The following MGAT4C variants were observed in gnomAD, a reference collection of about 807,000 sequenced individuals.
MGAT4C encodes alpha-1,3-mannosyl-glycoprotein 4-beta-N-acetylglucosaminyltransferase C.
In MGAT4C, 19 loss-of-function variants were observed where a neutral mutation model predicts 40.1. The observed-to-expected ratio is 0.47, with a 90% confidence interval of 0.33 to 0.70. The LOEUF (loss-of-function observed/expected upper bound fraction) is 0.70. Ranked by LOEUF, MGAT4C falls within the 30% of genes least tolerant of loss-of-function variation. The probability of loss-of-function intolerance (pLI) is 0.02; values close to 1 mark genes in which losing one functional copy is unlikely to be tolerated. For synonymous variants in MGAT4C, 181 were observed against 187.1 expected (o/e 0.97, Z 0.27); for missense variants, 491 against 563.2 (o/e 0.87, Z 1.30).
intron 2 of MGAT4C, among the ~76,000 whole-genome samples, chr12:86,555,415 T>A (rs909258858): frequency 6.6e-6 from 1 of 152,192 alleles, no homozygotes; most frequent in Non-Finnish European, 1.5e-5. Context: ...AGGGCTTTCA[T>A]GTCTGACATA....
rs1276808870 is a variant in MGAT4C at position 86,361,811 on chromosome 12, G to A, written c.-119-27684C>T. Among the ~76,000 whole-genome samples the A allele has an allele frequency of 2.6e-5, 4 of 152,304 alleles. No homozygotes were observed. In the South Asian group the frequency reaches 8.3e-4, roughly 32 times the overall value. ...ATACCATCTCACACCAGTTAGAATG[G>A]CGATCATTAAAAAGTCAGGAAACAA... On this transcript the variant is annotated intron_variant, in intron 3 of 7. Coordinates refer to the MGAT4C transcript ENST00000548651.
intron 1 of MGAT4C, among the ~76,000 whole-genome samples, chr12:86,231,489 T>C (rs1282878077): frequency 1.3e-5 from 2 of 152,116 alleles, no homozygotes; most frequent in Non-Finnish European, 2.9e-5. Context: ...GTTTAATTAA[T>C]CAAATAATCT....
chr12:86,589,923 T>C (rs1051647095), intron 2 of MGAT4C, among the ~76,000 whole-genome samples: 7 of 151,946 alleles, frequency 4.6e-5, no homozygotes, highest in Admixed American at 3.9e-4. Flanking sequence ...ATTCAAAATA[T>C]GCTTCTGCGT....
At chr12:86,591,976 AT>A (rs942482881) in intron 2 of MGAT4C, among the ~76,000 whole-genome samples, 1 of 152,066 alleles carries the variant, frequency 6.6e-6, no homozygotes. Context: ...TCTGGAAAAA[AT>A]TATGAAGTCT....
chr12:86,785,155 A>C (rs949278008), intron 1 of MGAT4C, among the ~76,000 whole-genome samples: 2 of 152,094 alleles, frequency 1.3e-5, no homozygotes, highest in Non-Finnish European at 1.5e-5. Context: ...TATTTCATGC[A>C]CTATTTATCA....
At chr12:86,398,197 G>A (rs2136233995) in intron 3 of MGAT4C, among the ~76,000 whole-genome samples, 1 of 152,282 alleles carries the variant, frequency 6.6e-6, no homozygotes, top group Non-Finnish European at 1.5e-5. Context: ...CACCAAGCCA[G>A]AATGAATGTT....
chr12:86,733,534 G>A (rs1950943198), intron 1 of MGAT4C, among the ~76,000 whole-genome samples: 1 of 152,104 alleles, frequency 6.6e-6, no homozygotes, highest in African/African-American at 2.4e-5. Context: ...AAAGAGTAGT[G>A]TAAAATGTAT....
rs1688890721 is a variant in MGAT4C, at chr12:85,962,427, TA to T, written c.*16861del. On this transcript the variant is annotated 3_prime_UTR_variant, in exon 5 of 5. Coordinates refer to ENST00000611864, the MANE Select transcript of MGAT4C (RefSeq NM_001351288.2). ...TTAATTATATAATTATATAATTATA[TA>T]AAATTTTATAATTAATTATAAAATA... The T allele has an allele frequency of 6.8e-6, 1 of 147,842 alleles. No individual in the cohort carries two copies. The highest frequency in any genetic ancestry group is 2.4e-5 in the African/African-American group (1 of 40,850). 9.2% of individuals were successfully genotyped at this position (147,842 alleles called of 1,614,324 possible).
rs1272715515 is a variant in MGAT4C, at chr12:85,976,306, A to G, written c.*2983T>C. 1 of 151,090 alleles carries G rather than the reference A, an allele frequency of 6.6e-6. No individual in the cohort carries two copies. The highest frequency in any genetic ancestry group is 2.4e-5 in the African/African-American group (1 of 41,354). 9.4% of individuals were successfully genotyped at this position (151,090 alleles called of 1,614,324 possible). A position where few individuals can be genotyped will look rare whatever the true frequency, so the allele number is the denominator to read the frequency against. ...AAATAGCACAAAGTTATAGTTTTCAATGAATATGAAAAAGTTCTTGCATTA... is the reference window on the plus strand; with the variant it reads ...AAATAGCACAAAGTTATAGTTTTCAGTGAATATGAAAAAGTTCTTGCATTA... On this transcript the variant is annotated 3_prime_UTR_variant, in exon 5 of 5. Transcript: ENST00000611864.
rs755826021 is a variant in MGAT4C at position 86,191,070 on chromosome 12, A to ACT, written c.-57+65167_-57+65168dup. On this transcript the variant is annotated intron_variant, in intron 1 of 4. Coordinates refer to ENST00000611864, the MANE Select transcript of MGAT4C (RefSeq NM_001351288.2). Reference sequence around the variant, plus strand: ...AATCAGGAACCAATTTCTTAAAATCACTCTCTCTCTCTGCACACACACACA... The same window carrying ACT: ...AATCAGGAACCAATTTCTTAAAATCACTCTCTCTCTCTCTGCACACACACACA... Among the ~76,000 whole-genome samples, 112 of 136,714 alleles carry ACT rather than the reference A, an allele frequency of 8.2e-4. 1 individual carries two copies. The highest frequency in any genetic ancestry group is 1.4e-3 in the Non-Finnish European group (90 of 64,008). The allele number at this position is 136,714 out of a possible 152,430, so 89.7% of individuals were successfully genotyped here. A position where few individuals can be genotyped will look rare whatever the true frequency, so the allele number is the denominator to read the frequency against.
At chr12:86,505,087 A>C (rs995280175) in intron 2 of MGAT4C, among the ~76,000 whole-genome samples, 3 of 152,308 alleles carry the variant, frequency 2.0e-5, no homozygotes, top group Middle Eastern at 3.4e-3. Flanking sequence ...ACTATGGGTC[A>C]AGTATCTGCC....
chr12:86,530,070 T>C (rs1244640944), intron 2 of MGAT4C, among the ~76,000 whole-genome samples: 2 of 152,006 alleles, frequency 1.3e-5, no homozygotes, highest in Non-Finnish European at 2.9e-5. Context: ...CAATCTTTAA[T>C]TGGGTGAATA....
At chr12:86,468,644 C>T (rs903042562) in intron 2 of MGAT4C, among the ~76,000 whole-genome samples, 2 of 151,958 alleles carry the variant, frequency 1.3e-5, no homozygotes, top group Non-Finnish European at 2.9e-5. Context: ...ATGAACATAA[C>T]CCTTGTTATT....
At chr12:86,632,506 C>T (rs1446800491) in intron 2 of MGAT4C, among the ~76,000 whole-genome samples, 5 of 151,942 alleles carry the variant, frequency 3.3e-5, no homozygotes, top group Non-Finnish European at 7.4e-5. Flanking sequence ...GGAACCAGCC[C>T]AAATGTCCAT....
intron 2 of MGAT4C, among the ~76,000 whole-genome samples, chr12:86,579,974 T>C (rs1485449845): frequency 6.9e-6 from 1 of 144,954 alleles, no homozygotes; most frequent in Non-Finnish European, 1.5e-5. Context: ...GATCCTTTCT[T>C]AATCCTTGAC....
intron 2 of MGAT4C, among the ~76,000 whole-genome samples, chr12:86,461,477 C>T (rs1957600579): frequency 6.6e-6 from 1 of 152,182 alleles, no homozygotes; most frequent in African/African-American, 2.4e-5. Context: ...GATCTCCTGA[C>T]CTCATGATCC....
At chr12:86,514,938 A>G (rs981776208) in intron 2 of MGAT4C, among the ~76,000 whole-genome samples, 6 of 152,336 alleles carry the variant, frequency 3.9e-5, no homozygotes, top group Non-Finnish European at 4.4e-5. Context: ...TTTCAGCAAA[A>G]TTATTTTGCA....
chr12:86,310,701 T>G lies in MGAT4C; in HGVS notation c.-57+23364A>C, dbSNP rs189460633. On this transcript the variant is annotated intron_variant, in intron 4 of 7. Coordinates refer to the MGAT4C transcript ENST00000548651. Reference sequence around the variant, plus strand: ...CTTTCAGGGGCTAAGGCGGGCAGATTGCTTGAGGTCAGGAGTTCGAAACCA... The same window carrying G: ...CTTTCAGGGGCTAAGGCGGGCAGATGGCTTGAGGTCAGGAGTTCGAAACCA... 5.3e-5 allele frequency among the ~76,000 whole-genome samples: 8 copies of G among 152,118 alleles called. No individual in the cohort carries two copies. In the East Asian group the frequency reaches 1.6e-3, roughly 30 times the overall value.
At chr12:86,193,205 A>AGAAT (rs79863899) in intron 1 of MGAT4C, among the ~76,000 whole-genome samples, 12,596 of 151,796 alleles carry the variant, frequency 0.083, 614 homozygotes, top group Middle Eastern at 0.22. Context: ...TATCTTTCTT[A>AGAAT]GAATGAAATC....
Sources: allele counts gnomAD v4.1 joint callset (sites outside exome capture counted in the v4.1 genomes callset), GRCh38; gene constraint gnomAD v4.1.1; transcripts MANE v1.5; gene names NCBI Gene and HGNC (gene_info 2026-07-23, HGNC 2026-07-21).